Variants in TMEM182 observed in about 807,000 individuals in gnomAD.
TMEM182 encodes transmembrane protein 182.
A neutral mutation model predicts 26.8 loss-of-function variants in TMEM182; 20 were observed. The ratio of observed to expected loss-of-function variants is 0.75; its 90% CI spans 0.53 to 1.09. TMEM182 has a LOEUF of 1.09. Ranked by LOEUF, TMEM182 falls within the 50% of genes least tolerant of loss-of-function variation. TMEM182 has a pLI of 0.00. For synonymous variants in TMEM182, 109 were observed against 102.2 expected, an observed-to-expected ratio of 1.07 and a Z score of -0.40; for missense variants, 277 against 275.5, an observed-to-expected ratio of 1.01 and a Z score of -0.04.
intron 3 of TMEM182, among the ~76,000 whole-genome samples, chr2:102,832,044 A>G (rs1321453087): frequency 6.6e-6 from 1 of 152,228 alleles, no homozygotes; most frequent in African/African-American, 2.4e-5. Flanking sequence ...TCATATTGCC[A>G]TGCTCTCATA....
chr2:102,812,048 A>G (rs1226727192), intron 4 of TMEM182, among the ~76,000 whole-genome samples: 4 of 152,158 alleles, frequency 2.6e-5, no homozygotes, highest in Non-Finnish European at 5.9e-5. Context: ...ATTTACTTCT[A>G]TATTTATTTC....
At chr2:102,832,265 C>A (rs1045795592) in intron 3 of TMEM182, among the ~76,000 whole-genome samples, 2 of 152,138 alleles carry the variant, frequency 1.3e-5, no homozygotes. Flanking sequence ...TAAATTCTTC[C>A]CCTTGAAATT....
At chr2:102,755,097 G>C (rs1016985012) in intron 1 of TMEM182, among the ~76,000 whole-genome samples, 1 of 152,040 alleles carries the variant, frequency 6.6e-6, no homozygotes. Flanking sequence ...AGTGAATAGA[G>C]ACCCTAAAAG....
intron 3 of TMEM182, among the ~76,000 whole-genome samples, chr2:102,765,074 T>C (rs1445093313): frequency 6.6e-6 from 1 of 151,932 alleles, no homozygotes; most frequent in Non-Finnish European, 1.5e-5. Context: ...TATTTAATGT[T>C]CTCAATAAAT....
intron 3 of TMEM182, among the ~76,000 whole-genome samples, chr2:102,779,199 G>A (rs1558767198): frequency 6.6e-6 from 1 of 152,126 alleles, no homozygotes; most frequent in African/African-American, 2.4e-5. Flanking sequence ...TGTCATTCAA[G>A]TTCTTTTTCC....
At chr2:102,832,937 T>G (rs908440624) in intron 3 of TMEM182, among the ~76,000 whole-genome samples, 15 of 152,248 alleles carry the variant, frequency 9.9e-5, no homozygotes, top group Admixed American at 9.2e-4. Context: ...CAGGCTTGGA[T>G]GACCTGCTGG....
chr2:102,757,758 G>C (rs1458200396), upstream of TMEM182, among the ~76,000 whole-genome samples: 1 of 152,094 alleles, frequency 6.6e-6, no homozygotes, highest in African/African-American at 2.4e-5. Context: ...AATTTATGAA[G>C]AAAAAAGGTT....
At chr2:102,738,685 C>CA (rs950871098) in intron 1 of TMEM182, among the ~76,000 whole-genome samples, 4 of 151,496 alleles carry the variant, frequency 2.6e-5, no homozygotes, top group Admixed American at 1.3e-4. Flanking sequence ...GGGTGTCAGA[C>CA]AAAAAAAGGG....
chr2:102,751,716 C>T (rs747558472), intron 1 of TMEM182, among the ~76,000 whole-genome samples: 45 of 152,180 alleles, frequency 3.0e-4, no homozygotes, highest in Non-Finnish European at 5.7e-4. Flanking sequence ...CAGGGTCTCA[C>T]TCTGTTGCCC....
At chr2:102,750,195 C>T (rs953772495) in intron 1 of TMEM182, among the ~76,000 whole-genome samples, 34 of 152,018 alleles carry the variant, frequency 2.2e-4, no homozygotes, top group African/African-American at 8.0e-4. Flanking sequence ...TTGCTTTCTG[C>T]TTATTGGTCT....
rs1415723042 is a variant in TMEM182 at position 102,797,969 on chromosome 2, C to T, written c.438C>T (p.Tyr146=). 1 of 1,614,110 alleles carries T rather than the reference C, an allele frequency of 6.2e-7. No homozygotes were observed. The highest frequency in any genetic ancestry group is 8.5e-7 in the Non-Finnish European group (1 of 1,180,018). ...CCCCCTTCGCCAGCCATTTTCTCTA[C>T]AAAGCTGGGGGAGGCTCATATATTG... ...CAAPFASHFL[Y]KAGGGSYIAA... Residue 146 remains tyrosine (Y), a synonymous_variant, in exon 4 of 5, where the codon TAC becomes TAT. Transcript: ENST00000412401.
chr2:102,743,461 A>G (rs1679599451), intron 1 of TMEM182, among the ~76,000 whole-genome samples: 1 of 152,128 alleles, frequency 6.6e-6, no homozygotes, highest in Admixed American at 6.5e-5. Context: ...TGCTGACTGC[A>G]CCTCAGCCTG....
At position 102,777,979 on chromosome 2, in the gene TMEM182, C is replaced by T. The variant is rs1013696452; in HGVS notation, c.331+13552C>T. On this transcript the variant is annotated intron_variant, in intron 3 of 4. Transcript: ENST00000412401. ...TTGGTACTTGAAAAGAATGCATATT[C>T]TGTAGTTTTATTGTATTCTATAAAT... 5.3e-5 allele frequency among the ~76,000 whole-genome samples: 8 copies of T among 151,830 alleles called. No individual in the cohort carries two copies. In the South Asian group the frequency reaches 8.3e-4, roughly 16 times the overall value.
At chr2:102,841,230 T>C (rs560763547) in intron 3 of TMEM182, among the ~76,000 whole-genome samples, 91 of 152,274 alleles carry the variant, frequency 6.0e-4, no homozygotes, top group Non-Finnish European at 1.0e-3. Context: ...AGGCTGGGAC[T>C]CCGGCCCAAC....
intron 3 of TMEM182, among the ~76,000 whole-genome samples, chr2:102,789,292 A>C (rs1178374358): frequency 1.3e-5 from 2 of 152,250 alleles, no homozygotes; most frequent in Non-Finnish European, 2.9e-5. Context: ...AGCTGCAAAT[A>C]AAATATTTAC....
At chr2:102,829,652 A>C (rs919122203) in intron 3 of TMEM182, among the ~76,000 whole-genome samples, 2 of 152,190 alleles carry the variant, frequency 1.3e-5, no homozygotes, top group African/African-American at 2.4e-5. Context: ...AGCAGGTCAG[A>C]AAGCCTCCCA....
downstream of TMEM182, among the ~76,000 whole-genome samples, chr2:102,819,980 C>T (rs1343147614): frequency 1.3e-5 from 2 of 152,164 alleles, no homozygotes; most frequent in Non-Finnish European, 2.9e-5. Flanking sequence ...ACATGTTCTG[C>T]ACACCAACTG....
chr2:102,792,224 C>A (rs1681679003), intron 3 of TMEM182, among the ~76,000 whole-genome samples: 1 of 151,902 alleles, frequency 6.6e-6, no homozygotes, highest in African/African-American at 2.4e-5. Flanking sequence ...TTAGTATCAG[C>A]CACATTGTTG....
intron 3 of TMEM182, among the ~76,000 whole-genome samples, chr2:102,779,773 G>T (rs190298436): frequency 6.6e-6 from 1 of 151,936 alleles, no homozygotes. Flanking sequence ...AAGGCGGGTG[G>T]ATCACCCGAA....
Sources: allele counts gnomAD v4.1 joint callset (sites outside exome capture counted in the v4.1 genomes callset), GRCh38; gene constraint gnomAD v4.1.1; transcripts MANE v1.5; gene names NCBI Gene and HGNC (gene_info 2026-07-23, HGNC 2026-07-21).